Variants in PLXDC1 observed in about 807,000 individuals in gnomAD.
PLXDC1 encodes plexin domain-containing protein 1.
A neutral mutation model predicts 61.3 loss-of-function variants in PLXDC1; 39 were observed. The observed-to-expected ratio is 0.64, with a 90% CI of 0.49 to 0.83. The LOEUF is 0.83. Ranked by LOEUF, PLXDC1 falls within the 40% of genes least tolerant of loss-of-function variation. PLXDC1 has a pLI of 0.00. For missense variants in PLXDC1, 596 were observed against 666.5 expected, an observed-to-expected ratio of 0.89 and a Z score of 1.17; for synonymous variants, 212 against 254.5, an observed-to-expected ratio of 0.83 and a Z score of 1.59.
At chr17:39,079,991 C>A (rs1227818877) in intron 9 of PLXDC1, 3 of 177,944 alleles carry the variant, frequency 1.7e-5, no homozygotes, top group Non-Finnish European at 3.6e-5. Flanking sequence ...CCTCTGGGCT[C>A]TGAGCTGCTC....
At position 39,077,249 on chromosome 17, in the gene PLXDC1, AG is replaced by A. The variant is rs544705998; in HGVS notation, c.1186+663del. Among the ~76,000 whole-genome samples the A allele has an allele frequency of 4.5e-4, 69 of 152,260 alleles. No homozygotes were observed. The East Asian group carries it at 0.013, about 28-fold the overall frequency. On this transcript the variant is annotated intron_variant, in intron 11 of 13. Transcript: ENST00000315392. The stretch of plus-strand genomic sequence containing the variant: ...GAATCCTGGAGGGGGCATGGGAGAA[AG>A]GGAAGAGATTTGAGGCCTAGGACCG...
chr17:39,101,140 GCT>G (rs1910405202), intron 7 of PLXDC1, among the ~76,000 whole-genome samples: 3 of 152,194 alleles, frequency 2.0e-5, no homozygotes, highest in Non-Finnish European at 1.5e-5. Flanking sequence ...TTCAAAGACT[GCT>G]CCATACACAT....
At chr17:39,084,820 G>T (rs1419364379) in intron 8 of PLXDC1, among the ~76,000 whole-genome samples, 1 of 152,254 alleles carries the variant, frequency 6.6e-6, no homozygotes, top group Non-Finnish European at 1.5e-5. Context: ...AGGAGCAGCA[G>T]GGCAGGGGGC....
chr17:39,087,682 A>T lies in PLXDC1; in HGVS notation c.832T>A (p.Phe278Ile). 1.2e-6 allele frequency: 2 copies of T among 1,613,880 alleles called. No homozygotes were observed. The highest frequency in any genetic ancestry group is 1.7e-6 in the Non-Finnish European group (2 of 1,179,852). ...TCCAGCTCTATGCGGTGATATTCAAAGATGCTCCTTCGCCGAGATTCTGAA... is the reference window on the plus strand; with the variant it reads ...TCCAGCTCTATGCGGTGATATTCAATGATGCTCCTTCGCCGAGATTCTGAA... ...DVPESRRRSI[F>I]EYHRIELDPS... is the part of the protein sequence containing the mutation. The change falls in exon 8 of 14, where the codon TTT (phenylalanine) becomes ATT (isoleucine). Residue 278 changes from phenylalanine to isoleucine, a missense_variant. Transcript: ENST00000315392.
chr17:39,107,525 C>T lies in PLXDC1; in HGVS notation c.593G>A (p.Gly198Glu). The T allele has an allele frequency of 6.2e-7, 1 of 1,604,662 alleles. No individual in the cohort carries two copies. The highest frequency in any genetic ancestry group is 8.5e-7 in the Non-Finnish European group (1 of 1,171,380). The change falls in exon 6 of 14, where the codon GGG becomes GAG. Residue 198 changes from glycine to glutamate, a missense_variant and splice_region_variant. Physicochemically the swap from Gly to Glu is moderately conservative, Grantham distance 98. Transcript: ENST00000315392. ...DNSTVVYFDN[G>E]TVFVVQWDHV... ...GTCCCACTGAACCACAAAGACTGTC[C>T]CTGGGGAGAAGAACAGAGACCCGGC...
At chr17:39,093,137 G>A (rs527954309) in intron 7 of PLXDC1, among the ~76,000 whole-genome samples, 144 of 152,248 alleles carry the variant, frequency 9.5e-4, no homozygotes, top group African/African-American at 3.4e-3. Context: ...GTGCAATCAC[G>A]GCTCACTGCA....
chr17:39,072,699 G>T (rs1909171743), intron 11 of PLXDC1: 1 of 582,096 alleles, frequency 1.7e-6, no homozygotes, highest in East Asian at 3.0e-5. Flanking sequence ...TGAGAGATGA[G>T]GCTGGGAGTG....
At chr17:39,133,583 G>A (rs961232000) in intron 2 of PLXDC1, among the ~76,000 whole-genome samples, 3 of 152,130 alleles carry the variant, frequency 2.0e-5, no homozygotes, top group Non-Finnish European at 2.9e-5. Flanking sequence ...TTACATTCCA[G>A]GGGGAAGATA....
chr17:39,123,188 TG>T (rs2143798695), intron 2 of PLXDC1, among the ~76,000 whole-genome samples: 1 of 152,322 alleles, frequency 6.6e-6, no homozygotes, highest in East Asian at 1.9e-4. Context: ...TGACCTTTCT[TG>T]CAAGGTTCCT....
chr17:39,105,548 A>T (rs1258085705), intron 7 of PLXDC1, among the ~76,000 whole-genome samples: 2 of 152,026 alleles, frequency 1.3e-5, no homozygotes, highest in Non-Finnish European at 2.9e-5. Context: ...GAGGACTCAA[A>T]CCCCTTACTA....
intron 2 of PLXDC1, among the ~76,000 whole-genome samples, chr17:39,128,903 G>C (rs542048293): frequency 6.6e-6 from 1 of 152,076 alleles, no homozygotes; most frequent in African/African-American, 2.4e-5. Context: ...CCAGCTACTC[G>C]GGAGGCTGAG....
At chr17:39,128,736 T>C (rs980966505) in intron 2 of PLXDC1, among the ~76,000 whole-genome samples, 2 of 151,852 alleles carry the variant, frequency 1.3e-5, no homozygotes, top group Non-Finnish European at 2.9e-5. Flanking sequence ...ACTCGCCGGG[T>C]GCAGTGGCTC....
At position 39,066,798 on chromosome 17, in the gene PLXDC1, G is replaced by C. The variant is rs535397166; in HGVS notation, c.*1042C>G. 1 of 152,266 alleles carries C rather than the reference G, an allele frequency of 6.6e-6. No individual in the cohort carries two copies. The highest frequency in any genetic ancestry group is 1.5e-5 in the Non-Finnish European group (1 of 68,030). 9.4% of individuals were successfully genotyped at this position (152,266 alleles called of 1,614,324 possible). A position where few individuals can be genotyped will look rare whatever the true frequency, so the allele number is the denominator to read the frequency against. On this transcript the variant is annotated 3_prime_UTR_variant, in exon 14 of 14. Transcript: ENST00000315392. ...ACATTTTAATTATGTTGGCCAGGCT[G>C]GTCTCAAACTTCTGACTTCAGGTGA...
upstream of PLXDC1, chr17:39,152,478 AGG>A (rs2045380652): frequency 4.4e-6 from 5 of 1,149,084 alleles, no homozygotes; most frequent in Non-Finnish European, 5.5e-6. Context: ...CCCGCAATGT[AGG>A]ATATTTAATA....
Position 39,083,523 on chromosome 17 carries a change from T to C in PLXDC1, c.925A>G (p.Ser309Gly), listed in dbSNP as rs755953138. The part of the protein sequence containing the change: ...TPLPTCLQHR[S>G]CDACMSSDLT... ...TCTGAGGACATGCAGGCGTCACAGC[T>C]CCTATGCTGCAGGCAGGCTGCAAGA... The change falls in exon 9 of 14, where the codon AGC becomes GGC. Residue 309 changes from serine to glycine, a missense_variant. Transcript: ENST00000315392. 1 of 1,613,016 alleles carries C rather than the reference T, an allele frequency of 6.2e-7. No homozygotes were observed. The highest frequency in any genetic ancestry group is 1.1e-5 in the South Asian group (1 of 90,758).
At chr17:39,072,552 C>T in intron 11 of PLXDC1, 67 bp from the exon 12 acceptor site, 1 of 1,018,062 alleles carries the variant, frequency 9.8e-7, no homozygotes, top group Non-Finnish European at 1.5e-6. Flanking sequence ...ACTCTGAGTC[C>T]AGATGGGATG....
intron 11 of PLXDC1, chr17:39,072,723 C>T: frequency 1.8e-6 from 1 of 552,748 alleles, no homozygotes; most frequent in Non-Finnish European, 3.3e-6. Flanking sequence ...GGCCGGCTGC[C>T]TGGAGAGCAA....
At chr17:39,084,434 T>C (rs971171322) in intron 8 of PLXDC1, among the ~76,000 whole-genome samples, 4 of 152,242 alleles carry the variant, frequency 2.6e-5, no homozygotes, top group Non-Finnish European at 4.4e-5. Context: ...CATAGCATCA[T>C]GCTGTATACC....
chr17:39,109,225 T>A, intron 3 of PLXDC1, 23 bp downstream of exon 3: 2 of 1,596,496 alleles, frequency 1.3e-6, no homozygotes, highest in Non-Finnish European at 1.7e-6. Context: ...CAGGGAAGCA[T>A]GGCTGGCGAC....
Sources: allele counts gnomAD v4.1 joint callset (sites outside exome capture counted in the v4.1 genomes callset), GRCh38; gene constraint gnomAD v4.1.1; transcripts MANE v1.5; gene names NCBI Gene and HGNC (gene_info 2026-07-23, HGNC 2026-07-21).